Variants in CSMD1 observed in about 807,000 individuals in gnomAD.
CSMD1 encodes the protein CUB and sushi domain-containing protein 1.
CSMD1 carries 213 observed loss-of-function variants against 417.5 expected under a neutral mutation model. The ratio of observed to expected loss-of-function variants is 0.51; its 90% CI spans 0.46 to 0.57. CSMD1 has a LOEUF of 0.57. Ranked by LOEUF, CSMD1 falls within the 20% of genes least tolerant of loss-of-function variation. The pLI is 0.00. For missense variants in CSMD1, 6,923 were observed against 4,529.7 expected (o/e 1.53, Z -15.17); for synonymous variants, 2,862 against 1,736.8 (o/e 1.65, Z -16.11).
chr8:4,288,504 A>G (rs2128865409), intron 3 of CSMD1, among the ~76,000 whole-genome samples: 1 of 152,288 alleles, frequency 6.6e-6, no homozygotes, highest in South Asian at 2.1e-4. Flanking sequence ...CTCTGCCTTT[A>G]GGTTTACCCA....
At chr8:4,740,321 G>A (rs1302193826) in intron 1 of CSMD1, among the ~76,000 whole-genome samples, 1 of 152,088 alleles carries the variant, frequency 6.6e-6, no homozygotes, top group Non-Finnish European at 1.5e-5. Flanking sequence ...TACTAATGTT[G>A]TGATATAGCT....
At position 4,037,529 on chromosome 8, in the gene CSMD1, T is replaced by G. The variant is rs573714893; in HGVS notation, c.416-5430A>C. ...TCTTGACACTTAATTTTAGAAGAAT[T>G]TGAAAAACACAAATCAGACATAGCC... On this transcript the variant is annotated intron_variant, in intron 3 of 69. Transcript: ENST00000635120. Among the ~76,000 whole-genome samples the G allele has an allele frequency of 1.5e-4, 23 of 152,356 alleles. 1 individual carries two copies. The South Asian group carries it at 4.6e-3, about 30-fold the overall frequency.
At chr8:4,543,151 TGATTC>T (rs2130524747) in intron 2 of CSMD1, among the ~76,000 whole-genome samples, 1 of 152,338 alleles carries the variant, frequency 6.6e-6, no homozygotes, top group East Asian at 1.9e-4. Flanking sequence ...GATACATTAT[TGATTC>T]AAGTCCATTA....
At chr8:4,777,843 A>G (rs1796944914) in intron 1 of CSMD1, among the ~76,000 whole-genome samples, 1 of 152,204 alleles carries the variant, frequency 6.6e-6, no homozygotes, top group Non-Finnish European at 1.5e-5. Context: ...AATCTCAACT[A>G]ACGGCAACTA....
intron 18 of CSMD1, 108 bp from the exon 19 acceptor site, chr8:3,369,478 A>T (rs1809810803): frequency 3.2e-6 from 2 of 625,178 alleles, no homozygotes; most frequent in Non-Finnish European, 5.7e-6. Context: ...AACAAATTTA[A>T]TGTCATATCC....
At chr8:4,535,442 G>C (rs17070507) in intron 2 of CSMD1, among the ~76,000 whole-genome samples, 8,681 of 152,024 alleles carry the variant, frequency 0.057, 455 homozygotes, top group Admixed American at 0.15. Context: ...TTGTAGATTT[G>C]CTTTGCAATC....
chr8:4,892,382 G>A (rs1481404367), intron 1 of CSMD1, among the ~76,000 whole-genome samples: 4 of 152,072 alleles, frequency 2.6e-5, no homozygotes, highest in Non-Finnish European at 5.9e-5. Flanking sequence ...GCAAGGGGGA[G>A]TTGAGAATCC....
chr8:3,662,511 T>C (rs1798471492), intron 7 of CSMD1, among the ~76,000 whole-genome samples: 1 of 152,232 alleles, frequency 6.6e-6, no homozygotes, highest in Admixed American at 6.5e-5. Flanking sequence ...TGTGTGCATG[T>C]GTCTTTATAG....
intron 3 of CSMD1, among the ~76,000 whole-genome samples, chr8:4,215,906 A>G (rs935580876): frequency 2.6e-5 from 4 of 152,216 alleles, no homozygotes; most frequent in Non-Finnish European, 5.9e-5. Context: ...ATTAAACAAG[A>G]ACAAAGAGAA....
chr8:3,274,814 A>T (rs191358265), intron 26 of CSMD1, among the ~76,000 whole-genome samples: 2 of 152,022 alleles, frequency 1.3e-5, no homozygotes, highest in Non-Finnish European at 2.9e-5. Context: ...TTTTGAGCCT[A>T]TGTGTGTCTG....
chr8:3,418,547 G>T (rs1045876773), intron 12 of CSMD1, among the ~76,000 whole-genome samples: 2 of 152,102 alleles, frequency 1.3e-5, no homozygotes, highest in African/African-American at 4.8e-5. Context: ...CTAGTAACCC[G>T]ATTTGGGTAT....
At chr8:4,682,864 T>C (rs895215906) in intron 1 of CSMD1, among the ~76,000 whole-genome samples, 3 of 150,326 alleles carry the variant, frequency 2.0e-5, no homozygotes, top group Non-Finnish European at 3.0e-5. Context: ...GACTACTAAA[T>C]AGTGACTACA....
intron 3 of CSMD1, among the ~76,000 whole-genome samples, chr8:4,090,300 T>G (rs192547173): frequency 6.6e-6 from 1 of 152,208 alleles, no homozygotes; most frequent in Non-Finnish European, 1.5e-5. Context: ...TTAAAGCCAC[T>G]AGGTAATATC....
intron 5 of CSMD1, among the ~76,000 whole-genome samples, chr8:3,837,433 T>C (rs1315546677): frequency 6.6e-6 from 1 of 152,140 alleles, no homozygotes; most frequent in Admixed American, 6.6e-5. Flanking sequence ...ACGTCACATA[T>C]GACAGGCATT....
chr8:4,816,906 A>G (rs1051667936), intron 1 of CSMD1, among the ~76,000 whole-genome samples: 22 of 152,124 alleles, frequency 1.4e-4, no homozygotes, highest in African/African-American at 5.3e-4. Flanking sequence ...GGTTTGGAGC[A>G]TAACAATCAC....
intron 12 of CSMD1, among the ~76,000 whole-genome samples, chr8:3,427,192 C>G (rs1157354566): frequency 2.0e-5 from 3 of 152,128 alleles, no homozygotes; most frequent in African/African-American, 4.8e-5. Flanking sequence ...CAGACTCAGC[C>G]AAACTATATC....
intron 2 of CSMD1, among the ~76,000 whole-genome samples, chr8:4,445,275 T>C (rs533642140): frequency 1.3e-5 from 2 of 152,180 alleles, no homozygotes; most frequent in African/African-American, 4.8e-5. Context: ...TCTCTGTCAT[T>C]ACCTATGACA....
chr8:4,344,894 G>T (rs1236866639), intron 3 of CSMD1, among the ~76,000 whole-genome samples: 1 of 152,114 alleles, frequency 6.6e-6, no homozygotes. Context: ...AATACGTCAT[G>T]GACAAGAACA....
chr8:3,765,675 C>A (rs960297710), intron 5 of CSMD1, among the ~76,000 whole-genome samples: 1 of 152,210 alleles, frequency 6.6e-6, no homozygotes, highest in Non-Finnish European at 1.5e-5. Context: ...GAGAATGCTG[C>A]TCTTGTCCTC....
Sources: gnomAD v4.1 joint callset for allele counts (sites outside exome capture counted in the v4.1 genomes callset) on GRCh38, gnomAD v4.1.1 for gene constraint, MANE v1.5 for transcripts, NCBI Gene and HGNC (gene_info 2026-07-23, HGNC 2026-07-21) for gene names.